TOP2A: variants seen among roughly 807,000 people sequenced by gnomAD.
TOP2A encodes DNA topoisomerase 2-alpha.
Under a neutral mutation model 187.2 loss-of-function variants are expected in TOP2A, and 68 were observed. That is an observed-to-expected ratio of 0.36 (90% CI 0.30 to 0.44). The LOEUF (loss-of-function observed/expected upper bound fraction) is 0.44. Among genes scored for constraint, TOP2A ranks in the 20% least tolerant of loss-of-function variants. The pLI, the probability that TOP2A is intolerant of heterozygous loss-of-function variation, is 1.00. For missense variants in TOP2A, 1,196 were observed against 1,808.7 expected (o/e 0.66, Z 6.14); for synonymous variants, 542 against 593.2 (o/e 0.91, Z 1.25).
rs772938292 is a variant in TOP2A, at chr17:40,400,906, G to A, written c.2608C>T (p.Arg870Cys). ...WSCKIPNFDV[R>C]EIVNNIRRLM... ...CGCCTGATGTTATTTACAATTTCACGCACATCAAAGTTGGGGATTTTGCAG... is the reference window on the plus strand; with the variant it reads ...CGCCTGATGTTATTTACAATTTCACACACATCAAAGTTGGGGATTTTGCAG... The change falls in exon 21 of 35, where the codon CGT (arginine) becomes TGT (cysteine). Residue 870 changes from arginine (R) to cysteine (C), a missense_variant. Physicochemically the swap from Arg to Cys is radical, Grantham distance 180. Coordinates refer to ENST00000423485, the MANE Select transcript of TOP2A (RefSeq NM_001067.4). The A allele has an allele frequency of 6.8e-6, 11 of 1,613,772 alleles. No homozygotes were observed. The South Asian group carries it at 9.9e-5, about 14-fold the overall frequency.
At position 40,416,068 on chromosome 17, in the gene TOP2A, A is replaced by G; in HGVS notation, c.269T>C (p.Val90Ala). Residue 90 changes from valine to alanine, a missense_variant and splice_region_variant, in exon 4 of 35, where the codon GTT becomes GCT. By Grantham distance (64) the Val-to-Ala change is moderately conservative. Around this residue, in one of 10 missense-constraint regions of TOP2A, gnomAD observed 97 missense variants for 171.0 expected, o/e 0.57. Transcript: ENST00000423485. The stretch of plus-strand genomic sequence containing the variant: ...CCTTTGTTTGTTGTCCGCAGCATTA[A>G]CTGAAAGAAAATAAAATATACATTT... Reference protein sequence around the residue: ...GLYKIFDEILVNAADNKQRDP... With the variant: ...GLYKIFDEILANAADNKQRDP... 6.4e-7 allele frequency: 1 copy of G among 1,562,004 alleles called. No homozygotes were observed. Among genetic ancestry groups the G allele is most frequent in the Non-Finnish European group, 8.7e-7 (1 of 1,146,300 alleles).
intron 10 of TOP2A, chr17:40,409,815 C>T: frequency 6.2e-6 from 1 of 162,312 alleles, no homozygotes; most frequent in South Asian, 1.5e-4. Context: ...CACAGTGGCT[C>T]ATGGCTGTAA....
chr17:40,398,110 C>CTT (rs1048890086), intron 27 of TOP2A, among the ~76,000 whole-genome samples: 106 of 127,654 alleles, frequency 8.3e-4, no homozygotes, highest in Non-Finnish European at 1.2e-3. Context: ...TAATCTGTCC[C>CTT]TTTTTTTTTT....
chr17:40,410,138 A>G (rs1272052795), intron 10 of TOP2A: 1 of 166,502 alleles, frequency 6.0e-6, no homozygotes, highest in African/African-American at 2.4e-5. Context: ...TGTTATGGAT[A>G]AGCAAAAAGT....
intron 19 of TOP2A, among the ~76,000 whole-genome samples, chr17:40,403,316 C>T (rs1243760785): frequency 1.3e-5 from 2 of 152,138 alleles, no homozygotes; most frequent in African/African-American, 2.4e-5. Flanking sequence ...GAAATATTTC[C>T]TCCTTTGTGT....
chr17:40,417,442 G>A, intron 1 of TOP2A: 2 of 855,312 alleles, frequency 2.3e-6, no homozygotes, highest in Non-Finnish European at 3.3e-6. Flanking sequence ...TCAAGCAGCG[G>A]GCAGGAGGGG....
intron 13 of TOP2A, among the ~76,000 whole-genome samples, chr17:40,407,177 T>C (rs1416480131): frequency 6.6e-6 from 1 of 152,164 alleles, no homozygotes; most frequent in Non-Finnish European, 1.5e-5. Flanking sequence ...GGCAGGAGAA[T>C]CGCTTGAACC....
rs370801636 is a variant in TOP2A, at chr17:40,411,290, C to A, written c.1066-44G>T. 2.3e-4 allele frequency: 370 copies of A among 1,612,172 alleles called. No homozygotes were observed. The African/African-American group carries it at 4.2e-3, about 18-fold the overall frequency. On this transcript the variant is annotated intron_variant, in intron 9 of 34. Transcript: ENST00000423485. The surrounding 1 kb of genome is among the most constrained non-coding windows in gnomAD (Gnocchi z 4.4). ...TTAAGCCACTAAAAATGTACTCATG[C>A]TTTATTTATAGCCTTTCTCTTCTTC...
In TOP2A at chr17:40,398,938, C is replaced by A; in HGVS notation, c.3289-1G>T. ...CTTCATTTTCTTCTTCATCTGGAAC[C>A]TAAAGGATTAATTAAAATCTAGCTT... On this transcript the variant is annotated splice_acceptor_variant, in intron 25 of 34. Coordinates refer to ENST00000423485, the MANE Select transcript of TOP2A (RefSeq NM_001067.4). LOFTEE classifies it high-confidence loss of function. The A allele has an allele frequency of 1.2e-6, 2 of 1,606,534 alleles. No individual in the cohort carries two copies. Among genetic ancestry groups the A allele is most frequent in the Non-Finnish European group, 1.7e-6 (2 of 1,176,390 alleles).
In TOP2A at chr17:40,408,596, T is replaced by G; in HGVS notation, c.1238A>C (p.Asn413Thr). The G allele has an allele frequency of 6.2e-7, 1 of 1,613,826 alleles. No homozygotes were observed. Among genetic ancestry groups the G allele is most frequent in the Non-Finnish European group, 8.5e-7 (1 of 1,179,814 alleles). ...GACTTGGGCCTTAAACTTCACCCAG[T>G]TTAGTATGCTTTCTACAATACCACA... Reference protein sequence around the residue: ...IGCGIVESILNWVKFKAQVQL... With the variant: ...IGCGIVESILTWVKFKAQVQL... The change falls in exon 11 of 35, where the codon AAC becomes ACC. Residue 413 changes from asparagine (N) to threonine (T), a missense_variant. Physicochemically the swap from Asn to Thr is moderately conservative, Grantham distance 65 (BLOSUM62 0). Around this residue, in one of 10 missense-constraint regions of TOP2A, gnomAD observed 252 missense variants for 434.8 expected, o/e 0.58. Coordinates refer to ENST00000423485, the MANE Select transcript of TOP2A (RefSeq NM_001067.4).
intron 32 of TOP2A, 30 bp from the exon 33 acceptor site, chr17:40,391,670 A>C (rs2143620564): frequency 6.5e-7 from 1 of 1,528,624 alleles, no homozygotes; most frequent in East Asian, 2.4e-5. Flanking sequence ...GGAAAATAGT[A>C]CATTTAAGCA....
intron 1 of TOP2A, 30 bp from the exon 2 acceptor site, chr17:40,416,925 G>A (rs1182194420): frequency 6.4e-7 from 1 of 1,552,998 alleles, no homozygotes; most frequent in Non-Finnish European, 8.7e-7. Context: ...AGAGAAAGAA[G>A]GGAATTTTTA....
Position 40,399,367 on chromosome 17 carries a change from C to G in TOP2A, c.3197-236G>C, listed in dbSNP as rs1336124730. 3 of 470,018 alleles carry G rather than the reference C, an allele frequency of 6.4e-6. No individual in the cohort carries two copies. The East Asian group carries it at 1.2e-4, about 19-fold the overall frequency. The allele number at this position is 470,018 out of a possible 1,614,324, so 29.1% of individuals were successfully genotyped here. A position where few individuals can be genotyped will look rare whatever the true frequency, so the allele number is the denominator to read the frequency against. ...TCATTTTTTTTTGGAGACAGGGTCTCTCTCACTCTTGTGTCCAGGCTGGAG... is the reference window on the plus strand; with the variant it reads ...TCATTTTTTTTTGGAGACAGGGTCTGTCTCACTCTTGTGTCCAGGCTGGAG... On this transcript the variant is annotated intron_variant, in intron 24 of 34. Transcript: ENST00000423485.
intron 33 of TOP2A, chr17:40,391,283 G>A: frequency 2.2e-6 from 1 of 459,952 alleles, no homozygotes; most frequent in Admixed American, 4.2e-5. Flanking sequence ...GTAGAACAAG[G>A]AGTTTGATCT....
intron 27 of TOP2A, among the ~76,000 whole-genome samples, chr17:40,396,900 GT>G (rs535683283): frequency 5.5e-4 from 74 of 135,070 alleles, no homozygotes; most frequent in Non-Finnish European, 6.1e-4. Context: ...TTTTTTTTTT[GT>G]TTTTTTTTTT....
chr17:40,407,699 A>T (rs1376303907), intron 12 of TOP2A, 25 bp from the exon 13 acceptor site: 15 of 1,544,640 alleles, frequency 9.7e-6, no homozygotes, highest in Non-Finnish European at 1.3e-5. Context: ...TACCAAAAAA[A>T]GCATCGTTTA....
At chr17:40,397,939 T>C (rs906904590) in intron 27 of TOP2A, among the ~76,000 whole-genome samples, 2 of 151,404 alleles carry the variant, frequency 1.3e-5, no homozygotes, top group African/African-American at 4.9e-5. Flanking sequence ...CCACTACGCC[T>C]GGCTAATTTT....
At chr17:40,412,677 T>C (rs2035337349) in intron 7 of TOP2A, 82 bp downstream of exon 7, 2 of 1,105,920 alleles carry the variant, frequency 1.8e-6, no homozygotes, top group South Asian at 2.8e-5. Context: ...CAAAAACATA[T>C]GGGAGGGGAA....
At chr17:40,417,582 AC>A (rs1485410655) in intron 1 of TOP2A, 188 bp downstream of exon 1, 30 of 1,445,356 alleles carry the variant, frequency 2.1e-5, no homozygotes, top group Non-Finnish European at 4.5e-6. Flanking sequence ...GCCGGGTCAT[AC>A]TTCACTACTA....
Sources: allele counts gnomAD v4.1 joint callset (sites outside exome capture counted in the v4.1 genomes callset), GRCh38; gene constraint gnomAD v4.1.1; regional missense constraint gnomAD v4.1.1; non-coding constraint Gnocchi (gnomAD v3.1); transcripts MANE v1.5; gene names NCBI Gene and HGNC (gene_info 2026-07-23, HGNC 2026-07-21).